KIF6: variants seen among roughly 807,000 people sequenced by gnomAD.
The protein encoded by KIF6 is kinesin family member 6, also known as kinesin-like protein KIF6.
Under a neutral mutation model 112.7 loss-of-function variants are expected in KIF6, and 106 were observed. The ratio of observed to expected loss-of-function variants is 0.94; its 90% CI spans 0.80 to 1.11. The LOEUF (loss-of-function observed/expected upper bound fraction) is 1.11, where lower values mean the gene tolerates loss of function less well. Among genes scored for constraint, KIF6 ranks in the 50% least tolerant of loss-of-function variants. The pLI is 0.00. For missense variants in KIF6, 929 were observed against 964.0 expected (o/e 0.96, Z 0.48); for synonymous variants, 339 against 339.9 (o/e 1.00, Z 0.03).
At chr6:39,499,881 C>T (rs963033174) in intron 13 of KIF6, among the ~76,000 whole-genome samples, 1 of 152,178 alleles carries the variant, frequency 6.6e-6, no homozygotes, top group African/African-American at 2.4e-5. Context: ...GATATATAAG[C>T]TCCCTATCAC....
At chr6:39,417,918 G>A (rs1306460455) in intron 15 of KIF6, among the ~76,000 whole-genome samples, 2 of 152,178 alleles carry the variant, frequency 1.3e-5, no homozygotes, top group Non-Finnish European at 2.9e-5. Context: ...ATCCCTCCAA[G>A]GATGAAAACA....
At chr6:39,617,905 T>A (rs554065634) in intron 5 of KIF6, among the ~76,000 whole-genome samples, 2 of 152,322 alleles carry the variant, frequency 1.3e-5, no homozygotes, top group South Asian at 4.1e-4. Flanking sequence ...AAGAGAACAT[T>A]CACTTGTTTG....
At chr6:39,689,084 C>T (rs914434678) in intron 3 of KIF6, among the ~76,000 whole-genome samples, 4 of 151,966 alleles carry the variant, frequency 2.6e-5, no homozygotes, top group Non-Finnish European at 5.9e-5. Context: ...CATCACTGCA[C>T]TCTAGCCTGG....
rs554107340 is a variant in KIF6 at position 39,618,640 on chromosome 6, A to C, written c.510-5322T>G. Among the ~76,000 whole-genome samples, 4 of 152,316 alleles carry C rather than the reference A, an allele frequency of 2.6e-5. No individual in the cohort carries two copies. The South Asian group carries it at 8.3e-4, about 32-fold the overall frequency. ...TGTTAAGTCACACCCTACAAATCAC[A>C]AAATCTAATTAAAAGGTTTTTAAAA... On this transcript the variant is annotated intron_variant, in intron 5 of 22. Coordinates refer to ENST00000287152, the MANE Select transcript of KIF6 (RefSeq NM_145027.6).
intron 3 of KIF6, among the ~76,000 whole-genome samples, chr6:39,699,734 A>G (rs1051382471): frequency 2.0e-5 from 3 of 152,232 alleles, no homozygotes; most frequent in Non-Finnish European, 4.4e-5. Context: ...GAGGAATAAT[A>G]ATAAATGAGT....
intron 3 of KIF6, among the ~76,000 whole-genome samples, chr6:39,712,894 A>T (rs955941042): frequency 5.3e-5 from 8 of 152,232 alleles, no homozygotes; most frequent in African/African-American, 1.9e-4. Context: ...TGGCACGTGT[A>T]TACCTATGTA....
chr6:39,342,600 TA>T lies in KIF6; in HGVS notation c.2428+1108del, dbSNP rs67645437. ...TTGGAGATCACTGAATCCAGTTTTTTATTTTTTTTTATTTTTTTTTATTTTT... is the reference window on the plus strand; with the variant it reads ...TTGGAGATCACTGAATCCAGTTTTTTTTTTTTTTTATTTTTTTTTATTTTT... On this transcript the variant is annotated intron_variant, in intron 22 of 22. Coordinates refer to ENST00000287152, the MANE Select transcript of KIF6 (RefSeq NM_145027.6). The surrounding 1 kb of genome is among the most constrained non-coding windows in gnomAD (Gnocchi z 4.7). Among the ~76,000 whole-genome samples the T allele has an allele frequency of 0.24, 32,497 of 134,800 alleles. 6,851 individuals are homozygous for T. The highest frequency in any genetic ancestry group is 0.5 in the African/African-American group (16,264 of 32,428). 88.4% of individuals were successfully genotyped at this position (134,800 alleles called of 152,430 possible). A position where few individuals can be genotyped will look rare whatever the true frequency, so the allele number is the denominator to read the frequency against.
intron 20 of KIF6, among the ~76,000 whole-genome samples, chr6:39,346,049 G>GCTCTCGCTCTCTCTCTCT (rs1763695107): frequency 3.4e-5 from 1 of 28,994 alleles, no homozygotes; most frequent in Non-Finnish European, 6.5e-5. Flanking sequence ...AAACTACAGT[G>GCTCTCGCTCTCTCTCTCT]CTCTCTCTCT....
At chr6:39,447,214 T>C (rs913309735) in intron 13 of KIF6, among the ~76,000 whole-genome samples, 1 of 152,146 alleles carries the variant, frequency 6.6e-6, no homozygotes, top group Non-Finnish European at 1.5e-5. Flanking sequence ...CCTCATCTCA[T>C]TGAGAAAATG....
chr6:39,491,928 A>C (rs1377574131), intron 13 of KIF6, among the ~76,000 whole-genome samples: 1 of 152,194 alleles, frequency 6.6e-6, no homozygotes, highest in Non-Finnish European at 1.5e-5. Context: ...AGCTGCCTAT[A>C]TTAAAACGAG....
chr6:39,550,710 T>G (rs1236301578), intron 10 of KIF6, among the ~76,000 whole-genome samples: 1 of 151,418 alleles, frequency 6.6e-6, no homozygotes, highest in African/African-American at 2.5e-5. Context: ...GGAGTTCTGA[T>G]TTATAAAACT....
intron 22 of KIF6, among the ~76,000 whole-genome samples, chr6:39,339,189 C>A (rs1351021817): frequency 1.3e-5 from 2 of 152,132 alleles, no homozygotes; most frequent in Non-Finnish European, 2.9e-5. Flanking sequence ...AAAATCACAC[C>A]TCATGGTGTT....
intron 15 of KIF6, among the ~76,000 whole-genome samples, chr6:39,408,023 A>G (rs1048791738): frequency 1.2e-4 from 19 of 152,224 alleles, no homozygotes; most frequent in Admixed American, 1.0e-3. Flanking sequence ...CGTATTCTAT[A>G]GACAAAGGCC....
chr6:39,650,676 G>A lies in KIF6; in HGVS notation c.252-10919C>T, dbSNP rs552175000. On this transcript the variant is annotated intron_variant, in intron 3 of 22. Transcript: ENST00000287152. ...AATCATTTTCAGATAACCATCTAAG[G>A]AGGCAACTAAAATGAAACCACAAAA... Among the ~76,000 whole-genome samples the A allele has an allele frequency of 3.3e-5, 5 of 151,898 alleles. 1 individual carries two copies. In the South Asian group the frequency reaches 1.0e-3, roughly 32 times the overall value.
chr6:39,542,703 T>C (rs1443468226), intron 12 of KIF6, among the ~76,000 whole-genome samples: 2 of 152,198 alleles, frequency 1.3e-5, no homozygotes, highest in African/African-American at 4.8e-5. Context: ...TCTTCTGAGA[T>C]TGCTTATTGT....
chr6:39,332,569 C>A lies in KIF6; in HGVS notation c.*3963G>T, dbSNP rs1051980084. The stretch of plus-strand genomic sequence containing the variant: ...AGGCAGTACCTTATGTGTCTCTATA[C>A]AATGACTGTTTTGGGAGGTTTCTCC... On this transcript the variant is annotated 3_prime_UTR_variant, in exon 23 of 23. Coordinates refer to ENST00000287152, the MANE Select transcript of KIF6 (RefSeq NM_145027.6). 1 of 152,196 alleles carries A rather than the reference C, an allele frequency of 6.6e-6. No homozygotes were observed. The highest frequency in any genetic ancestry group is 1.5e-5 in the Non-Finnish European group (1 of 68,044). The allele number at this position is 152,196 out of a possible 1,614,324, so 9.4% of individuals were successfully genotyped here.
intron 16 of KIF6, among the ~76,000 whole-genome samples, chr6:39,373,628 C>T (rs950922457): frequency 4.6e-5 from 7 of 151,422 alleles, no homozygotes; most frequent in African/African-American, 1.5e-4. Context: ...ATAGTAACAA[C>T]AACAAAAAAC....
Position 39,705,979 on chromosome 6 carries a change from A to G in KIF6, c.251+8713T>C, listed in dbSNP as rs543812965. ...GCACCAGCTTAAGAGATGTCTCTTC[A>G]TGCTGCAGAATCAGTGCATCTCCGA... On this transcript the variant is annotated intron_variant, in intron 3 of 22. Coordinates refer to ENST00000287152, the MANE Select transcript of KIF6 (RefSeq NM_145027.6). Among the ~76,000 whole-genome samples the G allele has an allele frequency of 9.2e-5, 14 of 152,292 alleles. No individual in the cohort carries two copies. The East Asian group carries it at 2.7e-3, about 29-fold the overall frequency.
At chr6:39,489,059 T>G (rs186489098) in intron 13 of KIF6, among the ~76,000 whole-genome samples, 1 of 152,164 alleles carries the variant, frequency 6.6e-6, no homozygotes, top group Non-Finnish European at 1.5e-5. Flanking sequence ...TCAGGGAAAA[T>G]GTTTGAAATC....
Sources: allele counts gnomAD v4.1 joint callset (sites outside exome capture counted in the v4.1 genomes callset), GRCh38; gene constraint gnomAD v4.1.1; non-coding constraint Gnocchi (gnomAD v3.1); transcripts MANE v1.5; gene names NCBI Gene and HGNC (gene_info 2026-07-23, HGNC 2026-07-21).